AEN: variants seen among roughly 807,000 people sequenced by gnomAD.
AEN encodes the protein apoptosis-enhancing nuclease.
AEN carries 21 observed loss-of-function variants against 17.7 expected under a neutral mutation model. The observed-to-expected ratio is 1.19, with a 90% CI of 0.84 to 1.71. The LOEUF (loss-of-function observed/expected upper bound fraction) is 1.71, where lower values mean the gene tolerates loss of function less well. AEN is among the 40% of genes most tolerant of loss of function. AEN has a pLI of 0.00. For synonymous variants in AEN, 190 were observed against 173.0 expected, an observed-to-expected ratio of 1.10 and a Z score of -0.77; for missense variants, 462 against 435.9, an observed-to-expected ratio of 1.06 and a Z score of -0.53.
At chr15:88,619,216 C>G (rs1192610806), upstream of AEN, among the ~76,000 whole-genome samples, 1 of 152,186 alleles carries the variant, frequency 6.6e-6, no homozygotes, top group African/African-American at 2.4e-5. Flanking sequence ...CTCCTGGAGA[C>G]TTTTATTTCC....
At chr15:88,613,098 T>C in the AEN span, among the ~76,000 whole-genome samples, 1 of 152,138 alleles carries the variant, frequency 6.6e-6, no homozygotes, top group Non-Finnish European at 1.5e-5. Flanking sequence ...AAACTAAAGT[T>C]GGGGGTTGGG....
chr15:88,629,004 A>G (rs1015629718), intron 2 of AEN: 1 of 540,570 alleles, frequency 1.8e-6, no homozygotes, highest in Admixed American at 3.4e-5. Flanking sequence ...TCCCTTTGAC[A>G]GGTGCAGAAG....
At chr15:88,610,105 T>A in the AEN span, among the ~76,000 whole-genome samples, 1 of 152,216 alleles carries the variant, frequency 6.6e-6, no homozygotes, top group Admixed American at 6.5e-5. Context: ...GCTTGTCTAT[T>A]ACTTCTCAAA....
chr15:88,620,357 C>A (rs958670143), upstream of AEN, among the ~76,000 whole-genome samples: 2 of 151,964 alleles, frequency 1.3e-5, no homozygotes, highest in African/African-American at 4.8e-5. Context: ...TACGTGTGAA[C>A]TGTTTATTAT....
intron 2 of AEN, 101 bp from the exon 3 acceptor site, chr15:88,629,125 C>G (rs1486310833): frequency 8.4e-7 from 1 of 1,191,082 alleles, no homozygotes; most frequent in East Asian, 2.3e-5. Flanking sequence ...CCTCCCCCCA[C>G]AGGGATCCAT....
At chr15:88,627,137 G>GA (rs2057864804) in intron 2 of AEN, 6 of 216,032 alleles carry the variant, frequency 2.8e-5, no homozygotes, top group Middle Eastern at 1.9e-3. Context: ...TTAGTGCTTA[G>GA]AAAAAATTAA....
rs1415445521 is a variant in AEN at position 88,627,027 on chromosome 15, C to T, written c.540+278C>T. 1.4e-5 allele frequency: 6 copies of T among 428,530 alleles called. No individual in the cohort carries two copies. The Admixed American group carries it at 1.6e-4, about 11-fold the overall frequency. 26.5% of individuals were successfully genotyped at this position (428,530 alleles called of 1,614,324 possible). A position where few individuals can be genotyped will look rare whatever the true frequency, so the allele number is the denominator to read the frequency against. On this transcript the variant is annotated intron_variant, in intron 2 of 3. Transcript: ENST00000332810. ...TAGCTTACATTTTAGAGTTTGCTTT[C>T]TGTTATAAAAGTTGTACGCATTGAT...
At chr15:88,607,128 T>C in the AEN span, among the ~76,000 whole-genome samples, 1 of 152,148 alleles carries the variant, frequency 6.6e-6, no homozygotes, top group Non-Finnish European at 1.5e-5. Context: ...TTACCCCCAC[T>C]TCTCACCTTG....
chr15:88,613,592 G>GGT, the AEN span, among the ~76,000 whole-genome samples: 2 of 151,638 alleles, frequency 1.3e-5, no homozygotes, highest in Non-Finnish European at 2.9e-5. Context: ...ATCTCGGGGG[G>GGT]GGATGTGGGG....
the AEN span, chr15:88,608,024 T>C: frequency 2.2e-6 from 1 of 447,128 alleles, no homozygotes; most frequent in African/African-American, 2.0e-5. Flanking sequence ...AGTTGTGTGG[T>C]TTTTTTTAAT....
intron 2 of AEN, 117 bp downstream of exon 2, chr15:88,626,866 C>A: frequency 8.9e-7 from 1 of 1,122,230 alleles, no homozygotes; most frequent in Non-Finnish European, 1.3e-6. Context: ...AGTCACCTAA[C>A]TGCTCCAAAC....
the AEN span, chr15:88,611,890 G>C: frequency 5.8e-6 from 3 of 517,788 alleles, no homozygotes; most frequent in African/African-American, 5.9e-5. Context: ...GTCTTACTGC[G>C]CTCAACAACA....
upstream of AEN, among the ~76,000 whole-genome samples, chr15:88,618,705 T>G (rs145885700): frequency 3.4e-4 from 52 of 152,362 alleles, no homozygotes; most frequent in African/African-American, 1.2e-3. Context: ...TTGTTTACAT[T>G]AAAACCATAG....
At chr15:88,612,545 GT>G in the AEN span, among the ~76,000 whole-genome samples, 1 of 151,950 alleles carries the variant, frequency 6.6e-6, no homozygotes, top group African/African-American at 2.4e-5. Context: ...ATTAGAATTA[GT>G]GATCAGAAAA....
At chr15:88,612,599 A>ATTTG in the AEN span, among the ~76,000 whole-genome samples, 1 of 147,506 alleles carries the variant, frequency 6.8e-6, no homozygotes, top group South Asian at 2.1e-4. Context: ...TTATTTATTT[A>ATTTG]TTTATTTATT....
At chr15:88,615,257 A>G in the AEN span, among the ~76,000 whole-genome samples, 1 of 152,122 alleles carries the variant, frequency 6.6e-6, no homozygotes, top group Non-Finnish European at 1.5e-5. Flanking sequence ...TCTAGTCTAG[A>G]ATGGAGCAAG....
At chr15:88,610,583 C>T in the AEN span, among the ~76,000 whole-genome samples, 9 of 152,080 alleles carry the variant, frequency 5.9e-5, no homozygotes, top group African/African-American at 1.9e-4. Flanking sequence ...GGCTGGGACT[C>T]AGAGCTAGGT....
chr15:88,611,623 C>T, the AEN span, among the ~76,000 whole-genome samples: 1 of 151,790 alleles, frequency 6.6e-6, no homozygotes, highest in Admixed American at 6.6e-5. Flanking sequence ...CAACTGTGTC[C>T]ATTATAGAAA....
upstream of AEN, among the ~76,000 whole-genome samples, chr15:88,619,938 C>T (rs74563523): frequency 1.5e-3 from 232 of 152,156 alleles, no homozygotes; most frequent in African/African-American, 4.8e-3. Context: ...TTCTCCAGTC[C>T]TCATCCATTC....
Sources: allele counts gnomAD v4.1 joint callset (sites outside exome capture counted in the v4.1 genomes callset), GRCh38; gene constraint gnomAD v4.1.1; transcripts MANE v1.5; gene names NCBI Gene and HGNC (gene_info 2026-07-23, HGNC 2026-07-21).